The following NXF3 variants were observed in gnomAD, a reference collection of about 807,000 sequenced individuals.
NXF3 encodes the protein TAP-like protein 3.
Under a neutral mutation model 48.4 loss-of-function variants are expected in NXF3, and 34 were observed. The ratio of observed to expected loss-of-function variants is 0.70; its 90% CI spans 0.53 to 0.93. The LOEUF (loss-of-function observed/expected upper bound fraction) is 0.93. NXF3 is among the 40% of genes least tolerant of loss of function. NXF3 has a pLI of 0.00. For synonymous variants in NXF3, 132 were observed against 145.7 expected (o/e 0.91, Z 0.68); for missense variants, 359 against 406.1 (o/e 0.88, Z 1.00).
At chrX:103,088,625 T>C in intron 1 of NXF3, 2 of 958,313 alleles carry the variant, frequency 2.1e-6, no homozygotes, top group Non-Finnish European at 2.9e-6. Flanking sequence ...ACATAAGATA[T>C]GTCTCTGTGA....
intron 19 of NXF3, 53 bp from the exon 20 acceptor site, chrX:103,076,053 A>C (rs1468289228): frequency 1.0e-5 from 4 of 401,652 alleles, no homozygotes; most frequent in Non-Finnish European, 1.7e-5. Context: ...TATGACACTT[A>C]AGGATTTCCT....
chrX:103,090,054 C>T (rs1192351678), intron 1 of NXF3, among the ~76,000 whole-genome samples: 2 of 111,203 alleles, frequency 1.8e-5, no homozygotes, highest in Non-Finnish European at 3.8e-5. Context: ...AATATGTATG[C>T]AGTTTTATCT....
chrX:103,083,661 C>G lies in NXF3; in HGVS notation c.383G>C (p.Trp128Ser). The G allele has an allele frequency of 8.3e-7, 1 of 1,208,915 alleles. No individual in the cohort carries two copies. The highest frequency in any genetic ancestry group is 1.8e-5 in the South Asian group (1 of 56,880). ...VPFGIKYNEK[W>S]LLNLIQNECS... ...TTCATTCTGAATCAAATTCAGCAGC[C>G]ACTTCTCATTGTATTTTATGCCAAA... The change falls in exon 4 of 20, where the codon TGG becomes TCG. Residue 128 changes from tryptophan to serine, a missense_variant. By Grantham distance (177) the Trp-to-Ser change is radical (BLOSUM62 -3). Coordinates refer to ENST00000395065, the MANE Select transcript of NXF3 (RefSeq NM_022052.2).
rs746881810 is a variant in NXF3 at position 103,077,611 on chromosome X, T to G, written c.1584+3A>C. 1.6e-5 allele frequency: 19 copies of G among 1,208,176 alleles called. No individual in the cohort carries two copies. On this transcript the variant is annotated splice_donor_region_variant and intron_variant, in intron 18 of 19. Coordinates refer to ENST00000395065, the MANE Select transcript of NXF3 (RefSeq NM_022052.2). ...CCCCAGACTGGGCAGAGAAAACCTG[T>G]ACCATTTTCTGCTGCTCCTGGGAGA... is the stretch of plus-strand genomic sequence containing the variant.
Position 103,079,724 on chromosome X carries a change from C to G in NXF3, c.1160+39G>C, listed in dbSNP as rs16984229. 21,885 of 1,191,263 alleles carry G rather than the reference C, an allele frequency of 0.018. 2,576 individuals carry two copies. The African/African-American group carries it at 0.34, about 19-fold the overall frequency. On this transcript the variant is annotated intron_variant, in intron 13 of 19. Coordinates refer to ENST00000395065, the MANE Select transcript of NXF3 (RefSeq NM_022052.2). ...AGCTGGTGTCTTTCTGCAGGGGAGTCACATGGCCCTGGACCAGGGTCGGAG... is the reference window on the plus strand; with the variant it reads ...AGCTGGTGTCTTTCTGCAGGGGAGTGACATGGCCCTGGACCAGGGTCGGAG...
rs1569280753 is a variant in NXF3 at position 103,084,331 on chromosome X, A to G, written c.351+11T>C. 2 of 1,210,385 alleles carry G rather than the reference A, an allele frequency of 1.7e-6. No homozygotes were observed. The highest frequency in any genetic ancestry group is 4.4e-5 in the Admixed American group (2 of 45,880). ...TTCTGAACATTAGATCCACTTTGCC[A>G]GGACACTCACTGTGATCTTGAACCA... On this transcript the variant is annotated intron_variant, in intron 3 of 19. Transcript: ENST00000395065.
In NXF3 at chrX:103,080,033, CA is replaced by C. The variant is rs1921970379; in HGVS notation, c.1031del (p.Leu344ArgfsTer11). ...CTTACTGCTGCAGGAATTGCAGGAC[CA>C]GATTCTTCAACATCTCAGATCCAAA... ...SFFGSEMLKN[L>X]VLQFLQQYYL... On this transcript the variant is annotated frameshift_variant, in exon 12 of 20. Coordinates refer to ENST00000395065, the MANE Select transcript of NXF3 (RefSeq NM_022052.2). LOFTEE classifies it high-confidence loss of function. 1 of 1,209,367 alleles carries C rather than the reference CA, an allele frequency of 8.3e-7. No homozygotes were observed. Among genetic ancestry groups the C allele is most frequent in the Non-Finnish European group, 1.1e-6 (1 of 895,048 alleles).
At position 103,083,712 on chromosome X, in the gene NXF3, T is replaced by A; in HGVS notation, c.352-20A>T. 1 of 1,127,364 alleles carries A rather than the reference T, an allele frequency of 8.9e-7. No homozygotes were observed. The allele number at this position is 1,127,364 out of a possible 1,213,427, so 92.9% of individuals were successfully genotyped here. A position where few individuals can be genotyped will look rare whatever the true frequency, so the allele number is the denominator to read the frequency against. On this transcript the variant is annotated intron_variant, in intron 3 of 19. Coordinates refer to ENST00000395065, the MANE Select transcript of NXF3 (RefSeq NM_022052.2). ...GGGAACCTATGAGTGAAAGAAAGAATGAGTGAGGAAAGGAGACTGACATAA... is the reference window on the plus strand; with the variant it reads ...GGGAACCTATGAGTGAAAGAAAGAAAGAGTGAGGAAAGGAGACTGACATAA...
At chrX:103,089,302 G>T in intron 1 of NXF3, 1 of 417,933 alleles carries the variant, frequency 2.4e-6, no homozygotes, top group South Asian at 3.9e-5. Context: ...ACTAACAATT[G>T]TGGTCTCTGG....
At chrX:103,085,900 C>CAAAAAAAA (rs56135590) in intron 1 of NXF3, among the ~76,000 whole-genome samples, 28 of 43,468 alleles carry the variant, frequency 6.4e-4, no homozygotes, top group Non-Finnish European at 7.6e-4. Context: ...GAGACTCTGT[C>CAAAAAAAA]AAAAAAAAAA....
intron 1 of NXF3, among the ~76,000 whole-genome samples, chrX:103,086,076 T>C (rs913454812): frequency 9.1e-6 from 1 of 109,939 alleles, no homozygotes; most frequent in Non-Finnish European, 1.9e-5. Flanking sequence ...CCTCTCAAAC[T>C]GCTGGGATTA....
At chrX:103,081,812 T>G in intron 9 of NXF3, 1 of 124,698 alleles carries the variant, frequency 8.0e-6, no homozygotes, top group Non-Finnish European at 1.7e-5. Context: ...GAGGGGACCT[T>G]TTTGGAGCAA....
intron 9 of NXF3, chrX:103,081,174 T>C (rs1921998176): frequency 1.8e-5 from 2 of 113,096 alleles, no homozygotes; most frequent in African/African-American, 3.2e-5. Context: ...GCTCCCCTGC[T>C]GCAGCCCTTT....
In NXF3 at chrX:103,083,256, G is replaced by A; in HGVS notation, c.558C>T (p.Asn186=). 1 of 1,210,976 alleles carries A rather than the reference G, an allele frequency of 8.3e-7. No individual in the cohort carries two copies. The highest frequency in any genetic ancestry group is 1.8e-5 in the South Asian group (1 of 56,920). ...GCACAAAGTGGGGTATGCCAGCAGG[G>A]TTGACAAAGATTGATATCTGCAGAG... ...EDNEKISIFV[N]PAGIPHFVHR... Residue 186 remains asparagine, a synonymous_variant, in exon 6 of 20, where the codon AAC becomes AAT. Coordinates refer to ENST00000395065, the MANE Select transcript of NXF3 (RefSeq NM_022052.2).
intron 18 of NXF3, 147 bp downstream of exon 18, chrX:103,077,467 T>A (rs1360009545): frequency 5.3e-6 from 3 of 566,645 alleles, no homozygotes; most frequent in Non-Finnish European, 8.3e-6. Context: ...TTAGCCAGGA[T>A]GGTCTCAATC....
At position 103,082,993 on chromosome X, in the gene NXF3, C is replaced by G. The variant is rs199497754; in HGVS notation, c.691+11G>C. The G allele has an allele frequency of 5.3e-5, 64 of 1,201,219 alleles. No homozygotes were observed. The highest frequency in any genetic ancestry group is 4.5e-6 in the Non-Finnish European group (4 of 887,647). ...CCCTCATCTACCATAGAATTACTTT[C>G]TCAGCCATACCTGGGTAAAATGGGA... On this transcript the variant is annotated intron_variant, in intron 7 of 19. Transcript: ENST00000395065.
chrX:103,077,801 C>T lies in NXF3; in HGVS notation c.1452-55G>A. 5.1e-6 allele frequency: 6 copies of T among 1,168,921 alleles called. No homozygotes were observed. In the South Asian group the frequency reaches 1.1e-4, roughly 21 times the overall value. ...GGAGAGAAGGACACCTCCCCACCCG[C>T]TACAAGGATCTTTTTCCTACTGTTC... is the stretch of plus-strand genomic sequence containing the variant. On this transcript the variant is annotated intron_variant, in intron 17 of 19. Coordinates refer to ENST00000395065, the MANE Select transcript of NXF3 (RefSeq NM_022052.2).
chrX:103,077,330 G>T (rs1221749927), intron 18 of NXF3, among the ~76,000 whole-genome samples: 1 of 101,766 alleles, frequency 9.8e-6, no homozygotes, highest in Non-Finnish European at 2.0e-5. Context: ...TGCTCACTGC[G>T]AGCTCCGCCT....
At chrX:103,086,660 G>A (rs1922162820) in intron 1 of NXF3, among the ~76,000 whole-genome samples, 1 of 106,302 alleles carries the variant, frequency 9.4e-6, no homozygotes, top group African/African-American at 3.5e-5. Context: ...AAGGCACAGA[G>A]TATCACACTA....
Sources: allele counts gnomAD v4.1 joint callset (sites outside exome capture counted in the v4.1 genomes callset), GRCh38; gene constraint gnomAD v4.1.1; transcripts MANE v1.5; gene names NCBI Gene and HGNC (gene_info 2026-07-23, HGNC 2026-07-21).